NBEA: variants seen among roughly 807,000 people sequenced by gnomAD.
NBEA encodes lysosomal-trafficking regulator 2.
NBEA carries 44 observed loss-of-function variants against 343.4 expected under a neutral mutation model. That is an observed-to-expected ratio of 0.13 (90% CI 0.10 to 0.16). The LOEUF is 0.16. Ranked by LOEUF, NBEA falls within the 10% of genes least tolerant of loss-of-function variation. NBEA has a pLI of 1.00. For synonymous variants in NBEA, 1,175 were observed against 1,238.7 expected, an observed-to-expected ratio of 0.95 and a Z score of 1.08; for missense variants, 2,555 against 3,631.3, an observed-to-expected ratio of 0.70 and a Z score of 7.62.
At chr13:35,321,491 A>G (rs1161271313) in intron 36 of NBEA, among the ~76,000 whole-genome samples, 2 of 152,058 alleles carry the variant, frequency 1.3e-5, no homozygotes, top group African/African-American at 4.8e-5. Flanking sequence ...GGCACCTGCC[A>G]TATGCCAGCT....
chr13:35,377,096 G>A (rs1330608635), intron 38 of NBEA, among the ~76,000 whole-genome samples: 1 of 152,168 alleles, frequency 6.6e-6, no homozygotes, highest in Admixed American at 6.5e-5. Flanking sequence ...TATTTTATTT[G>A]ATGATAGGTT....
At chr13:35,259,484 T>C (rs1390927918) in intron 34 of NBEA, among the ~76,000 whole-genome samples, 1 of 152,176 alleles carries the variant, frequency 6.6e-6, no homozygotes, top group African/African-American at 2.4e-5. Context: ...TTAAAAATAT[T>C]TTACAGACAT....
At chr13:34,975,824 T>A (rs1043734464) in intron 1 of NBEA, among the ~76,000 whole-genome samples, 1 of 151,958 alleles carries the variant, frequency 6.6e-6, no homozygotes, top group Non-Finnish European at 1.5e-5. Context: ...TATGGAAAAA[T>A]GCTCAACATC....
At chr13:35,561,390 T>C (rs887067624) in intron 44 of NBEA, among the ~76,000 whole-genome samples, 1 of 152,180 alleles carries the variant, frequency 6.6e-6, no homozygotes, top group African/African-American at 2.4e-5. Context: ...AACAATCTTT[T>C]CTGGCTTCAC....
At chr13:35,461,782 G>A (rs895514273) in intron 40 of NBEA, among the ~76,000 whole-genome samples, 1 of 152,186 alleles carries the variant, frequency 6.6e-6, no homozygotes, top group African/African-American at 2.4e-5. Context: ...GTGCTATACA[G>A]AAGGATCAAT....
At chr13:35,310,959 T>C (rs1021756505) in intron 36 of NBEA, among the ~76,000 whole-genome samples, 1 of 152,176 alleles carries the variant, frequency 6.6e-6, no homozygotes, top group Non-Finnish European at 1.5e-5. Context: ...TTGAGAAATA[T>C]CTTCTGTTTT....
chr13:35,604,597 A>G lies in NBEA; in HGVS notation c.7297-1829A>G, dbSNP rs1593344618. On this transcript the variant is annotated intron_variant, in intron 47 of 58. Coordinates refer to ENST00000379939, the MANE Select transcript of NBEA (RefSeq NM_001385012.1). ...GTCACCCAGTGTCTTGCTATAAAAC[A>G]AATTTGACTGTGTTAAAAACTCTTT... 8.5e-5 allele frequency among the ~76,000 whole-genome samples: 13 copies of G among 152,264 alleles called. No individual in the cohort carries two copies. The South Asian group carries it at 2.7e-3, about 32-fold the overall frequency.
chr13:35,013,373 A>G (rs1001730850), intron 1 of NBEA, among the ~76,000 whole-genome samples: 15 of 152,204 alleles, frequency 9.9e-5, no homozygotes, highest in African/African-American at 3.6e-4. Context: ...GATAAATGGA[A>G]AAGATTTATA....
intron 36 of NBEA, among the ~76,000 whole-genome samples, chr13:35,313,879 C>G (rs1215168865): frequency 6.6e-6 from 1 of 151,830 alleles, no homozygotes; most frequent in African/African-American, 2.4e-5. Flanking sequence ...GAAATTTGGC[C>G]AAGAAAGGGA....
At chr13:35,217,398 T>C (rs2074123717) in intron 33 of NBEA, among the ~76,000 whole-genome samples, 1 of 151,966 alleles carries the variant, frequency 6.6e-6, no homozygotes, top group South Asian at 2.1e-4. Flanking sequence ...AGATTTACCT[T>C]TTTATAGTTA....
intron 34 of NBEA, among the ~76,000 whole-genome samples, chr13:35,236,899 A>G (rs2075265949): frequency 6.6e-6 from 1 of 151,982 alleles, no homozygotes; most frequent in South Asian, 2.1e-4. Flanking sequence ...TTTTACACTT[A>G]TTGAAATAGG....
chr13:35,543,841 T>A (rs2078943239), intron 41 of NBEA, among the ~76,000 whole-genome samples: 1 of 152,138 alleles, frequency 6.6e-6, no homozygotes, highest in Non-Finnish European at 1.5e-5. Flanking sequence ...CCCCACATCC[T>A]CACTGCATGT....
At chr13:35,052,250 C>T (rs2063089421) in intron 6 of NBEA, among the ~76,000 whole-genome samples, 1 of 151,952 alleles carries the variant, frequency 6.6e-6, no homozygotes, top group South Asian at 2.1e-4. Flanking sequence ...TGTTATCCTT[C>T]CTAATAAGAG....
At chr13:35,554,267 G>A (rs1401235858) in intron 43 of NBEA, among the ~76,000 whole-genome samples, 1 of 152,128 alleles carries the variant, frequency 6.6e-6, no homozygotes, top group Non-Finnish European at 1.5e-5. Flanking sequence ...TACTAAGGGT[G>A]CCATGAATTG....
intron 36 of NBEA, among the ~76,000 whole-genome samples, chr13:35,336,279 TA>T (rs1325603072): frequency 6.6e-6 from 1 of 151,956 alleles, no homozygotes; most frequent in Non-Finnish European, 1.5e-5. Flanking sequence ...GGAGACAAAT[TA>T]AAAAGTACGA....
At chr13:35,077,969 T>C (rs1462423302) in intron 10 of NBEA, among the ~76,000 whole-genome samples, 1 of 152,186 alleles carries the variant, frequency 6.6e-6, no homozygotes, top group African/African-American at 2.4e-5. Flanking sequence ...GAACATGGTT[T>C]TTCTGCAGTC....
chr13:35,505,813 A>T (rs1174095290), intron 41 of NBEA, among the ~76,000 whole-genome samples: 1 of 152,196 alleles, frequency 6.6e-6, no homozygotes, highest in African/African-American at 2.4e-5. Context: ...TATTCAATTA[A>T]TTGATTTTAA....
intron 7 of NBEA, among the ~76,000 whole-genome samples, 190 bp from the exon 8 acceptor site, chr13:35,058,527 A>G (rs1194432455): frequency 6.6e-6 from 1 of 152,128 alleles, no homozygotes; most frequent in African/African-American, 2.4e-5. Context: ...AGTGTGAAAC[A>G]TGTAACTGAT....
intron 35 of NBEA, among the ~76,000 whole-genome samples, chr13:35,304,684 A>G (rs573016571): frequency 1.3e-5 from 2 of 152,228 alleles, no homozygotes; most frequent in South Asian, 4.1e-4. Flanking sequence ...TTTCAGTACA[A>G]GTCTCTCCTG....
Sources: gnomAD v4.1 joint callset for allele counts (sites outside exome capture counted in the v4.1 genomes callset) on GRCh38, gnomAD v4.1.1 for gene constraint, MANE v1.5 for transcripts, NCBI Gene and HGNC (gene_info 2026-07-23, HGNC 2026-07-21) for gene names.